CLCN3: variants seen among roughly 807,000 people sequenced by gnomAD.
CLCN3 encodes the protein H(+)/Cl(-) exchange transporter 3.
CLCN3 carries 16 observed loss-of-function variants against 83.4 expected under a neutral mutation model. The ratio of observed to expected loss-of-function variants is 0.19; its 90% CI spans 0.13 to 0.29. The LOEUF (loss-of-function observed/expected upper bound fraction) is 0.29, where lower values mean the gene tolerates loss of function less well. CLCN3 is among the 10% of genes least tolerant of loss of function. The probability of loss-of-function intolerance (pLI) is 1.00; values close to 1 mark genes in which losing one functional copy is unlikely to be tolerated. For synonymous variants in CLCN3, 322 were observed against 346.2 expected (o/e 0.93, Z 0.78); for missense variants, 544 against 1,006.0 (o/e 0.54, Z 6.21).
chr4:169,643,678 C>T (rs906396228), intron 2 of CLCN3, among the ~76,000 whole-genome samples: 9 of 152,214 alleles, frequency 5.9e-5, no homozygotes, highest in African/African-American at 2.2e-4. Flanking sequence ...GGACTATAGG[C>T]ATATACTACC....
At position 169,642,085 on chromosome 4, in the gene CLCN3, A is replaced by T. The variant is rs934077910; in HGVS notation, c.160+5997A>T. Among the ~76,000 whole-genome samples the T allele has an allele frequency of 2.2e-4, 32 of 148,504 alleles. No homozygotes were observed. The Middle Eastern group carries it at 0.017, about 79-fold the overall frequency. On this transcript the variant is annotated intron_variant, in intron 2 of 12. Coordinates refer to ENST00000513761, the MANE Select transcript of CLCN3 (RefSeq NM_001829.4). The stretch of plus-strand genomic sequence containing the variant: ...GTTACCAATATACATTTTAAAATTT[A>T]TTTTTTTTTTTAACTTTAAAAAATG...
At chr4:169,687,798 A>T in intron 4 of CLCN3, 41 bp downstream of exon 4, 1 of 1,120,406 alleles carries the variant, frequency 8.9e-7, no homozygotes, top group Non-Finnish European at 1.3e-6. Context: ...TAGTTAACAG[A>T]AGTATAAACT....
intron 2 of CLCN3, among the ~76,000 whole-genome samples, chr4:169,679,590 G>A (rs938695370): frequency 6.6e-6 from 1 of 152,178 alleles, no homozygotes; most frequent in African/African-American, 2.4e-5. Flanking sequence ...CTGCACTCCA[G>A]CCTGGGCAAC....
intron 2 of CLCN3, among the ~76,000 whole-genome samples, chr4:169,662,504 G>A (rs1163135133): frequency 2.0e-5 from 3 of 152,194 alleles, no homozygotes; most frequent in African/African-American, 7.2e-5. Flanking sequence ...CTAACAAATC[G>A]AAAAAACTGA....
intron 3 of CLCN3, among the ~76,000 whole-genome samples, chr4:169,682,751 T>C (rs1731996122): frequency 6.6e-6 from 1 of 152,206 alleles, no homozygotes. Flanking sequence ...TTTATTTATT[T>C]GATTTTACTG....
chr4:169,628,166 A>C (rs1227062788), intron 1 of CLCN3, among the ~76,000 whole-genome samples: 2 of 152,232 alleles, frequency 1.3e-5, no homozygotes, highest in Non-Finnish European at 2.9e-5. Flanking sequence ...ACAAATTAAA[A>C]TGGATCACAG....
chr4:169,694,629 A>G (rs1732496607), intron 7 of CLCN3, among the ~76,000 whole-genome samples: 1 of 152,214 alleles, frequency 6.6e-6, no homozygotes, highest in Non-Finnish European at 1.5e-5. Flanking sequence ...ACCTAAGGTC[A>G]GGAATTCGAG....
chr4:169,678,786 A>G (rs1731784556), intron 2 of CLCN3, among the ~76,000 whole-genome samples: 1 of 152,260 alleles, frequency 6.6e-6, no homozygotes, highest in South Asian at 2.1e-4. Flanking sequence ...TTCTTAGTAC[A>G]GAACAAAATG....
chr4:169,653,208 T>C (rs183284119), intron 2 of CLCN3, among the ~76,000 whole-genome samples: 15 of 152,302 alleles, frequency 9.8e-5, no homozygotes, highest in African/African-American at 3.6e-4. Context: ...CGTTTACATT[T>C]AGTTGTGTAG....
At chr4:169,676,566 C>T (rs975793992) in intron 2 of CLCN3, among the ~76,000 whole-genome samples, 2 of 151,312 alleles carry the variant, frequency 1.3e-5, no homozygotes, top group Admixed American at 6.6e-5. Context: ...TGCAGTGGCA[C>T]GACGACCAAC....
chr4:169,635,185 T>C (rs1398204070), intron 1 of CLCN3, among the ~76,000 whole-genome samples: 1 of 152,216 alleles, frequency 6.6e-6, no homozygotes, highest in African/African-American at 2.4e-5. Context: ...ACTGCTTTTA[T>C]GACTGCATCT....
chr4:169,639,291 C>T (rs1380353186), intron 2 of CLCN3, among the ~76,000 whole-genome samples: 1 of 152,196 alleles, frequency 6.6e-6, no homozygotes, highest in Non-Finnish European at 1.5e-5. Context: ...CTTGGCCTCC[C>T]AAAGTGCTGG....
At position 169,721,911 on chromosome 4, in the gene CLCN3, G is replaced by C. The variant is rs1242535199; in HGVS notation, c.*1914G>C. On this transcript the variant is annotated 3_prime_UTR_variant, in exon 13 of 13. Transcript: ENST00000513761. ...GGCTCACTGCAGCGTTGACCACCTG[G>C]GCTCAAGTGATACTCCCGCCTCAGC... The C allele has an allele frequency of 6.6e-6, 1 of 152,054 alleles. No homozygotes were observed. The highest frequency in any genetic ancestry group is 1.5e-5 in the Non-Finnish European group (1 of 68,028). The allele number at this position is 152,054 out of a possible 1,614,324, so 9.4% of individuals were successfully genotyped here.
chr4:169,626,442 T>G (rs1184471939), intron 1 of CLCN3, among the ~76,000 whole-genome samples: 1 of 152,256 alleles, frequency 6.6e-6, no homozygotes, highest in African/African-American at 2.4e-5. Flanking sequence ...ACAGCACTAA[T>G]AGACCCAGTG....
At chr4:169,705,114 A>T (rs1183815933) in intron 10 of CLCN3, among the ~76,000 whole-genome samples, 2 of 152,228 alleles carry the variant, frequency 1.3e-5, no homozygotes, top group Non-Finnish European at 2.9e-5. Context: ...TAAGTATGGT[A>T]GGAATATAGG....
At chr4:169,626,753 G>A (rs533893711) in intron 1 of CLCN3, among the ~76,000 whole-genome samples, 88 of 152,264 alleles carry the variant, frequency 5.8e-4, no homozygotes, top group Admixed American at 1.4e-3. Context: ...CGATGTGGGC[G>A]GATCACTTGA....
intron 11 of CLCN3, among the ~76,000 whole-genome samples, chr4:169,709,279 T>G (rs1022070150): frequency 1.4e-4 from 22 of 151,738 alleles, no homozygotes; most frequent in African/African-American, 5.3e-4. Flanking sequence ...TATGCTAAAC[T>G]AGATAGATTC....
At chr4:169,666,921 A>G (rs1297112245) in intron 2 of CLCN3, among the ~76,000 whole-genome samples, 8 of 152,240 alleles carry the variant, frequency 5.3e-5, no homozygotes, top group Non-Finnish European at 8.8e-5. Context: ...TCTGGTACAC[A>G]TTAAGTTAAT....
intron 1 of CLCN3, among the ~76,000 whole-genome samples, chr4:169,633,009 G>GATT (rs998432129): frequency 4.0e-5 from 6 of 151,726 alleles, no homozygotes; most frequent in Non-Finnish European, 7.4e-5. Context: ...GTTTATCTCT[G>GATT]ATTATTATTA....
Sources: allele counts gnomAD v4.1 joint callset (sites outside exome capture counted in the v4.1 genomes callset), GRCh38; gene constraint gnomAD v4.1.1; transcripts MANE v1.5; gene names NCBI Gene and HGNC (gene_info 2026-07-23, HGNC 2026-07-21).